The following LIMD2 variants were observed in gnomAD, a reference collection of about 807,000 sequenced individuals.
The protein encoded by LIMD2 is LIM domain containing 2, also known as LIM domain-containing protein 2.
In LIMD2, 11 loss-of-function variants were observed where a neutral mutation model predicts 16.0. The observed-to-expected ratio is 0.69, with a 90% confidence interval of 0.43 to 1.14. The LOEUF (loss-of-function observed/expected upper bound fraction) is 1.14. Among genes scored for constraint, LIMD2 ranks in the 50% most tolerant of loss-of-function variants. The probability of loss-of-function intolerance (pLI) is 0.00; values close to 1 mark genes in which losing one functional copy is unlikely to be tolerated. For synonymous variants in LIMD2, 60 were observed against 67.1 expected (o/e 0.89, Z 0.52); for missense variants, 168 against 165.8 (o/e 1.01, Z -0.07).
chr17:63,700,444 C>G (rs977023448), upstream of LIMD2: 1 of 151,860 alleles, frequency 6.6e-6, no homozygotes, highest in African/African-American at 2.4e-5. The surrounding 1 kb of genome is among the most constrained non-coding windows in gnomAD (Gnocchi z 7.1). Flanking sequence ...ATGGAAGGGC[C>G]GCGCTCCGCA....
rs1209337180 is a variant in LIMD2 at position 63,697,545 on chromosome 17, A to AGTT, written c.*1004_*1006dup. The AGTT allele has an allele frequency of 1.3e-5, 2 of 152,154 alleles. No homozygotes were observed. Among genetic ancestry groups the AGTT allele is most frequent in the Admixed American group, 6.5e-5 (1 of 15,270 alleles). The allele number at this position is 152,154 out of a possible 1,614,324, so 9.4% of individuals were successfully genotyped here. A position where few individuals can be genotyped will look rare whatever the true frequency, so the allele number is the denominator to read the frequency against. ...TCTTCACAATGGGGTGCATATGGTA[A>AGTT]GTTGGTGGGTCTGAACCAACCCAGA... On this transcript the variant is annotated 3_prime_UTR_variant, in exon 5 of 5. Coordinates refer to ENST00000259006, the MANE Select transcript of LIMD2 (RefSeq NM_030576.4).
intron 1 of LIMD2, chr17:63,699,571 A>G (rs893896314): frequency 4.6e-6 from 2 of 433,236 alleles, no homozygotes; most frequent in Admixed American, 8.5e-5. Flanking sequence ...GAACAAAGTT[A>G]GCGGGAGCGG....
rs1659645632 is a variant in LIMD2 at position 63,697,666 on chromosome 17, G to C, written c.*886C>G. The C allele has an allele frequency of 6.6e-6, 1 of 152,202 alleles. No individual in the cohort carries two copies. Among genetic ancestry groups the C allele is most frequent in the Admixed American group, 6.5e-5 (1 of 15,290 alleles). 9.4% of individuals were successfully genotyped at this position (152,202 alleles called of 1,614,324 possible). The stretch of plus-strand genomic sequence containing the variant: ...AGAGGAGCCCTCCCATTTCTCAATG[G>C]TGTGTCAGGGAACTGACACCCACTT... On this transcript the variant is annotated 3_prime_UTR_variant, in exon 5 of 5. Coordinates refer to ENST00000259006, the MANE Select transcript of LIMD2 (RefSeq NM_030576.4).
upstream of LIMD2, chr17:63,700,257 G>A: frequency 1.5e-6 from 1 of 685,068 alleles, no homozygotes; most frequent in Non-Finnish European, 1.8e-6. The surrounding 1 kb of genome is among the most constrained non-coding windows in gnomAD (Gnocchi z 7.1). Context: ...ACCCCCCTCC[G>A]CGCTTTGTCT....
chr17:63,695,994 C>T lies in LIMD2; in HGVS notation c.*2558G>A, dbSNP rs1368001821. ...GGCCCAAAGGTTCTGAAGGGCAGTT[C>T]CTGGCAGCCCCAGGCTTGCTGTGGG... On this transcript the variant is annotated 3_prime_UTR_variant, in exon 5 of 5. Transcript: ENST00000259006. The surrounding 1 kb of genome is among the most constrained non-coding windows in gnomAD (Gnocchi z 4.1). The T allele has an allele frequency of 6.6e-6, 1 of 152,562 alleles. No individual in the cohort carries two copies. Among genetic ancestry groups the T allele is most frequent in the Non-Finnish European group, 1.5e-5 (1 of 68,060 alleles). The allele number at this position is 152,562 out of a possible 1,614,324, so 9.5% of individuals were successfully genotyped here. A position where few individuals can be genotyped will look rare whatever the true frequency, so the allele number is the denominator to read the frequency against.
chr17:63,699,090 G>A (rs1478253496), intron 2 of LIMD2, 21 bp from the exon 3 acceptor site: 2 of 1,595,036 alleles, frequency 1.3e-6, no homozygotes, highest in Admixed American at 1.7e-5. Context: ...GGGGCGGTCA[G>A]GGCAGGGGCA....
chr17:63,698,629 C>G lies in LIMD2; in HGVS notation c.307G>C (p.Asp103His). The change falls in exon 5 of 5, where the codon GAC becomes CAC. Residue 103 changes from aspartate to histidine, a missense_variant. Transcript: ENST00000259006. ...QQLFKSKGNYDEGFGRKQHKE... is the reference protein window; with the variant it reads ...QQLFKSKGNYHEGFGRKQHKE... ...TGCTGCTTGCGGCCAAACCCCTCGTCGTAGTTGCCTTTGCTCTTAAACAGC... is the reference window on the plus strand; with the variant it reads ...TGCTGCTTGCGGCCAAACCCCTCGTGGTAGTTGCCTTTGCTCTTAAACAGC... 1 of 1,613,920 alleles carries G rather than the reference C, an allele frequency of 6.2e-7. No homozygotes were observed. Among genetic ancestry groups the G allele is most frequent in the Non-Finnish European group, 8.5e-7 (1 of 1,180,028 alleles).
rs756855617 is a variant in LIMD2, at chr17:63,699,023, C to T, written c.84+5G>A. On this transcript the variant is annotated splice_donor_5th_base_variant and intron_variant, in intron 3 of 4. Transcript: ENST00000259006. ...CCTCCCGCACACCCGGCCCCAGGCC[C>T]CTACCTTGGAGCGCTGCACCGTGCT... 3.1e-6 allele frequency: 5 copies of T among 1,609,232 alleles called. No homozygotes were observed. Among genetic ancestry groups the T allele is most frequent in the Non-Finnish European group, 4.2e-6 (5 of 1,178,450 alleles).
rs1395650015 is a variant in LIMD2 at position 63,697,426 on chromosome 17, C to G, written c.*1126G>C. ...GAGGGAGCTAGACAGCTGGAACCAG[C>G]CAGGGAACGCGGCAGCTTGCACCCC... On this transcript the variant is annotated 3_prime_UTR_variant, in exon 5 of 5. Coordinates refer to ENST00000259006, the MANE Select transcript of LIMD2 (RefSeq NM_030576.4). 2 of 152,224 alleles carry G rather than the reference C, an allele frequency of 1.3e-5. No individual in the cohort carries two copies. The highest frequency in any genetic ancestry group is 4.8e-5 in the African/African-American group (2 of 41,434). 9.4% of individuals were successfully genotyped at this position (152,224 alleles called of 1,614,324 possible).
In LIMD2 at chr17:63,698,623, C is replaced by A. The variant is rs751729738; in HGVS notation, c.313G>T (p.Gly105Trp). 10 of 1,613,918 alleles carry A rather than the reference C, an allele frequency of 6.2e-6. No homozygotes were observed. The highest frequency in any genetic ancestry group is 8.5e-6 in the Non-Finnish European group (10 of 1,180,032). Residue 105 changes from glycine (G) to tryptophan (W), a missense_variant, in exon 5 of 5, where the codon GGG becomes TGG. Coordinates refer to ENST00000259006, the MANE Select transcript of LIMD2 (RefSeq NM_030576.4). ...TCCTTGTGCTGCTTGCGGCCAAACC[C>A]CTCGTCGTAGTTGCCTTTGCTCTTA... ...LFKSKGNYDE[G>W]FGRKQHKELW... is the part of the protein sequence containing the mutation.
At chr17:63,699,497 T>A (rs1015131648) in intron 1 of LIMD2, 149 bp from the exon 2 acceptor site, 1 of 673,244 alleles carries the variant, frequency 1.5e-6, no homozygotes, top group Non-Finnish European at 2.3e-6. Flanking sequence ...CTTCCGCCCC[T>A]CACCCACCTC....
upstream of LIMD2, chr17:63,700,310 G>T: frequency 3.1e-6 from 1 of 327,162 alleles, no homozygotes; most frequent in Non-Finnish European, 4.4e-6. The surrounding 1 kb of genome is among the most constrained non-coding windows in gnomAD (Gnocchi z 7.1). Context: ...CCCCGCCCCG[G>T]CTCCGCGCTC....
chr17:63,698,664 T>C lies in LIMD2; in HGVS notation c.272A>G (p.His91Arg). 6.2e-7 allele frequency: 1 copy of C among 1,613,542 alleles called. No individual in the cohort carries two copies. Among genetic ancestry groups the C allele is most frequent in the Non-Finnish European group, 8.5e-7 (1 of 1,179,986 alleles). Residue 91 changes from histidine (H) to arginine (R), a missense_variant, in exon 5 of 5, where the codon CAC becomes CGC. His to Arg is a conservative substitution (Grantham distance 29). Transcript: ENST00000259006. The stretch of plus-strand genomic sequence containing the variant: ...TTTGCTCTTAAACAGCTGCTGGAAG[T>C]GGGGTTTGCAGTAGAACTCCCCGTG... Reference protein sequence around the residue: ...ALHGEFYCKPHFQQLFKSKGN... With the variant: ...ALHGEFYCKPRFQQLFKSKGN...
rs2035726875 is a variant in LIMD2 at position 63,698,486 on chromosome 17, C to T, written c.*66G>A. On this transcript the variant is annotated 3_prime_UTR_variant, in exon 5 of 5. Coordinates refer to ENST00000259006, the MANE Select transcript of LIMD2 (RefSeq NM_030576.4). ...GGCCCCCACGCAAGCCCAGCTCGACCTCCTTCCCACCTTCCCCCTGCCGGC... is the reference window on the plus strand; with the variant it reads ...GGCCCCCACGCAAGCCCAGCTCGACTTCCTTCCCACCTTCCCCCTGCCGGC... The T allele has an allele frequency of 6.4e-7, 1 of 1,561,474 alleles. No homozygotes were observed. Among genetic ancestry groups the T allele is most frequent in the South Asian group, 1.2e-5 (1 of 86,308 alleles).
chr17:63,700,275 G>C (rs944361489), upstream of LIMD2: 28 of 511,010 alleles, frequency 5.5e-5, no homozygotes, highest in African/African-American at 4.8e-4. This position sits in a 1 kb window ranked among gnomAD's most constrained non-coding sequence, Gnocchi z 7.1. Context: ...TCTTCCCCTC[G>C]CCGCCGTCCC....
rs2035740840 is a variant in LIMD2, at chr17:63,699,028, C to A, written c.84G>T (p.Lys28Asn). 2.5e-6 allele frequency: 4 copies of A among 1,609,156 alleles called. No individual in the cohort carries two copies. The South Asian group carries it at 4.4e-5, about 18-fold the overall frequency. Residue 28 changes from lysine (K) to asparagine (N), a missense_variant and splice_region_variant, in exon 3 of 5, where the codon AAG (lysine) becomes AAT (asparagine). Physicochemically the swap from Lys to Asn is moderately conservative, Grantham distance 94. Transcript: ENST00000259006. Reference protein sequence around the residue: ...GGGSSTVQRSKSFSLRAQVKE... With the variant: ...GGGSSTVQRSNSFSLRAQVKE... Reference sequence around the variant, plus strand: ...CGCACACCCGGCCCCAGGCCCCTACCTTGGAGCGCTGCACCGTGCTGCTGC... The same window carrying A: ...CGCACACCCGGCCCCAGGCCCCTACATTGGAGCGCTGCACCGTGCTGCTGC...
chr17:63,699,772 T>TGCCCCCCCCCCCCC, intron 1 of LIMD2: 1 of 329,574 alleles, frequency 3.0e-6, no homozygotes, highest in Non-Finnish European at 4.3e-6. Context: ...GCGCCCGAGG[T>TGCCCCCCCCCCCCC]CCCCGCCCGC....
intron 1 of LIMD2, chr17:63,699,772 T>TGGGCCCCC: frequency 1.2e-5 from 4 of 329,572 alleles, no homozygotes; most frequent in Non-Finnish European, 1.7e-5. Flanking sequence ...GCGCCCGAGG[T>TGGGCCCCC]CCCCGCCCGC....
In LIMD2 at chr17:63,698,320, C is replaced by G; in HGVS notation, c.*232G>C. On this transcript the variant is annotated 3_prime_UTR_variant, in exon 5 of 5. Coordinates refer to ENST00000259006, the MANE Select transcript of LIMD2 (RefSeq NM_030576.4). ...AGGTGGGGAGGGAGGCTGAACGAAG[C>G]AGGAAGCAGGGTGGTGGGCAGACCC... is the stretch of plus-strand genomic sequence containing the variant. 1 of 588,478 alleles carries G rather than the reference C, an allele frequency of 1.7e-6. No homozygotes were observed. Among genetic ancestry groups the G allele is most frequent in the Non-Finnish European group, 3.0e-6 (1 of 336,712 alleles). 36.5% of individuals were successfully genotyped at this position (588,478 alleles called of 1,614,324 possible).
Sources: allele counts gnomAD v4.1 joint callset, GRCh38; gene constraint gnomAD v4.1.1; non-coding constraint Gnocchi (gnomAD v3.1); transcripts MANE v1.5; gene names NCBI Gene and HGNC (gene_info 2026-07-23, HGNC 2026-07-21).